The following DAPK2 variants were observed in gnomAD, a reference collection of about 807,000 sequenced individuals.
DAPK2 encodes death-associated protein kinase 2.
DAPK2 carries 35 observed loss-of-function variants against 44.1 expected under a neutral mutation model. The observed-to-expected ratio is 0.79, with a 90% CI of 0.61 to 1.05. DAPK2 has a LOEUF of 1.05. Among genes scored for constraint, DAPK2 ranks in the 50% least tolerant of loss-of-function variants. The probability of loss-of-function intolerance (pLI) is 0.00; values close to 1 mark genes in which losing one functional copy is unlikely to be tolerated. For synonymous variants in DAPK2, 174 were observed against 182.6 expected, an observed-to-expected ratio of 0.95 and a Z score of 0.38; for missense variants, 453 against 483.2, an observed-to-expected ratio of 0.94 and a Z score of 0.59.
At chr15:64,025,706 A>G (rs974562529) in intron 1 of DAPK2, among the ~76,000 whole-genome samples, 1 of 152,276 alleles carries the variant, frequency 6.6e-6, no homozygotes, top group African/African-American at 2.4e-5. Context: ...AGGCACCTAT[A>G]TAACAAAGGA....
chr15:64,009,363 C>G (rs2079324011), intron 1 of DAPK2, among the ~76,000 whole-genome samples: 1 of 152,148 alleles, frequency 6.6e-6, no homozygotes, highest in African/African-American at 2.4e-5. Context: ...CCCCACATTC[C>G]CCAGTATATT....
chr15:63,943,259 A>G (rs2077363736), intron 3 of DAPK2, among the ~76,000 whole-genome samples: 2 of 151,978 alleles, frequency 1.3e-5, no homozygotes, highest in Non-Finnish European at 2.9e-5. Flanking sequence ...CCCTGTCTCT[A>G]CAAAAAAAAT....
At chr15:63,971,656 C>A (rs1398731477) in intron 2 of DAPK2, 95 bp from the exon 4 acceptor site, 21 of 1,322,676 alleles carry the variant, frequency 1.6e-5, no homozygotes, top group Non-Finnish European at 2.2e-5. Context: ...CATCCTGACC[C>A]CCCAGGGACC....
chr15:64,015,950 A>G (rs1028153937), intron 1 of DAPK2, among the ~76,000 whole-genome samples: 2 of 152,208 alleles, frequency 1.3e-5, no homozygotes, highest in Non-Finnish European at 1.5e-5. Context: ...GTTTGAAGCC[A>G]CCCAGTTTGT....
At chr15:64,022,162 T>C (rs1348248001) in intron 1 of DAPK2, among the ~76,000 whole-genome samples, 2 of 152,212 alleles carry the variant, frequency 1.3e-5, no homozygotes. Context: ...ATCCAAATGC[T>C]GGTTAGTATC....
In DAPK2 at chr15:63,912,046, G is replaced by A; in HGVS notation, c.949-55C>T. On this transcript the variant is annotated intron_variant, in intron 9 of 10. Coordinates refer to ENST00000261891, the Ensembl canonical transcript of DAPK2. This position sits in a 1 kb window ranked among gnomAD's most constrained non-coding sequence, Gnocchi z 4.4. ...GGTGAGAATGTGCATGGAGACCCTG[G>A]AGAGCCAGAAACCCCGCCCTAGCCC... The A allele has an allele frequency of 6.3e-7, 1 of 1,596,038 alleles. No homozygotes were observed. Among genetic ancestry groups the A allele is most frequent in the Non-Finnish European group, 8.5e-7 (1 of 1,170,954 alleles).
In DAPK2 at chr15:63,980,799, C is replaced by CGT. The variant is rs370955376; in HGVS notation, c.314+2732_314+2733dup. On this transcript the variant is annotated intron_variant, in intron 2 of 10. Coordinates refer to ENST00000261891, the Ensembl canonical transcript of DAPK2. This position sits in a 1 kb window ranked among gnomAD's most constrained non-coding sequence, Gnocchi z 4.3. ...GTATTAGGCAGTGGGACCTTTAAGA[C>CGT]GTGATTGGGTCGGGGTGCGGTGGCT... Among the ~76,000 whole-genome samples, 59 of 14,270 alleles carry CGT rather than the reference C, an allele frequency of 4.1e-3. No individual in the cohort carries two copies. Among genetic ancestry groups the CGT allele is most frequent in the Non-Finnish European group, 0.035 (52 of 1,492 alleles). The allele number at this position is 14,270 out of a possible 152,430, so 9.4% of individuals were successfully genotyped here. A position where few individuals can be genotyped will look rare whatever the true frequency, so the allele number is the denominator to read the frequency against.
chr15:63,911,708 C>T (rs556548932), intron 10 of DAPK2, 200 bp downstream of exon 11: 8 of 608,094 alleles, frequency 1.3e-5, no homozygotes, highest in East Asian at 2.8e-5. Flanking sequence ...GGTCCCCTCC[C>T]GGCACCACCC....
chr15:63,973,512 T>C (rs1248319153), intron 2 of DAPK2, among the ~76,000 whole-genome samples: 1 of 152,250 alleles, frequency 6.6e-6, no homozygotes, highest in Non-Finnish European at 1.5e-5. Flanking sequence ...ATCCTCTGCC[T>C]GTCCCACCAT....
rs2077264086 is a variant in DAPK2 at position 63,939,937 on chromosome 15, C to T, written c.454-576G>A. 6.6e-6 allele frequency among the ~76,000 whole-genome samples: 1 copy of T among 152,244 alleles called. No individual in the cohort carries two copies. Among genetic ancestry groups the T allele is most frequent in the Non-Finnish European group, 1.5e-5 (1 of 68,056 alleles). On this transcript the variant is annotated intron_variant, in intron 3 of 10. Transcript: ENST00000261891. This position sits in a 1 kb window ranked among gnomAD's most constrained non-coding sequence, Gnocchi z 4.3. ...ACTAATTTTGGTCCTCAGCAGGACA[C>T]AGGAAAAATGCACCCGATTTCCAGG...
intron 1 of DAPK2, among the ~76,000 whole-genome samples, chr15:64,035,865 C>G (rs1248360428): frequency 6.6e-6 from 1 of 152,160 alleles, no homozygotes; most frequent in Non-Finnish European, 1.5e-5. Flanking sequence ...GGGAGGGTCC[C>G]AGCAGAGTGC....
chr15:63,949,557 G>T (rs758976676), intron 3 of DAPK2, among the ~76,000 whole-genome samples: 3 of 152,168 alleles, frequency 2.0e-5, no homozygotes, highest in Non-Finnish European at 2.9e-5. Flanking sequence ...GCATTCTGAG[G>T]ACCTAGCTGT....
At position 64,020,049 on chromosome 15, in the gene DAPK2, G is replaced by A. The variant is rs973241132; in HGVS notation, c.92+20121C>T. On this transcript the variant is annotated intron_variant, in intron 1 of 10. Coordinates refer to ENST00000261891, the Ensembl canonical transcript of DAPK2. The surrounding 1 kb of genome is among the most constrained non-coding windows in gnomAD (Gnocchi z 4.5). The stretch of plus-strand genomic sequence containing the variant: ...AGCAGAAGCAGTCTCAGTGGCACCC[G>A]CAGGCTTTACTGTGCCATAAGCCAT... 5.9e-5 allele frequency among the ~76,000 whole-genome samples: 9 copies of A among 152,268 alleles called. No homozygotes were observed. Among genetic ancestry groups the A allele is most frequent in the African/African-American group, 1.2e-4 (5 of 41,560 alleles).
intron 1 of DAPK2, among the ~76,000 whole-genome samples, chr15:63,992,107 C>T (rs2078837341): frequency 6.6e-6 from 1 of 152,126 alleles, no homozygotes; most frequent in Non-Finnish European, 1.5e-5. Flanking sequence ...TAAAGTATGA[C>T]AACTATTTTT....
At chr15:63,914,288 T>C (rs944507573) in intron 8 of DAPK2, among the ~76,000 whole-genome samples, 2 of 151,618 alleles carry the variant, frequency 1.3e-5, no homozygotes, top group African/African-American at 4.9e-5. Flanking sequence ...GGATGGGAGA[T>C]GAGAAAACCT....
rs2077258654 is a variant in DAPK2 at position 63,939,738 on chromosome 15, C to T, written c.454-377G>A. Among the ~76,000 whole-genome samples, 1 of 152,180 alleles carries T rather than the reference C, an allele frequency of 6.6e-6. No individual in the cohort carries two copies. Among genetic ancestry groups the T allele is most frequent in the African/African-American group, 2.4e-5 (1 of 41,430 alleles). ...CAGCATTTCCTGTAAACAAACCCAGCACTGCTGTGTGGGTGTGAAAGGGAC... is the reference window on the plus strand; with the variant it reads ...CAGCATTTCCTGTAAACAAACCCAGTACTGCTGTGTGGGTGTGAAAGGGAC... On this transcript the variant is annotated intron_variant, in intron 3 of 10. Transcript: ENST00000261891. This position sits in a 1 kb window ranked among gnomAD's most constrained non-coding sequence, Gnocchi z 4.3.
chr15:63,914,745 C>T (rs1014566629), intron 8 of DAPK2, among the ~76,000 whole-genome samples: 1 of 152,206 alleles, frequency 6.6e-6, no homozygotes, highest in Non-Finnish European at 1.5e-5. Context: ...AATCCAAAGT[C>T]TCCGGGTCTT....
At chr15:63,938,015 A>G (rs1280056942) in intron 4 of DAPK2, among the ~76,000 whole-genome samples, 1 of 152,146 alleles carries the variant, frequency 6.6e-6, no homozygotes, top group Non-Finnish European at 1.5e-5. Context: ...AGTAGGTGAC[A>G]AATAACCTGA....
chr15:64,019,131 C>T (rs893296465), intron 1 of DAPK2, among the ~76,000 whole-genome samples: 5 of 152,186 alleles, frequency 3.3e-5, no homozygotes, highest in African/African-American at 9.7e-5. Flanking sequence ...CTAGTCAATC[C>T]TCCAGAACTG....
Sources: gnomAD v4.1 joint callset for allele counts (sites outside exome capture counted in the v4.1 genomes callset) on GRCh38, gnomAD v4.1.1 for gene constraint, Gnocchi (gnomAD v3.1) non-coding constraint, MANE v1.5 for transcripts, NCBI Gene and HGNC (gene_info 2026-07-23, HGNC 2026-07-21) for gene names.